WDHD1: variants seen among roughly 807,000 people sequenced by gnomAD.
The protein encoded by WDHD1 is WD repeat and HMG-box DNA-binding protein 1.
WDHD1 carries 111 observed loss-of-function variants against 135.4 expected under a neutral mutation model. That is an observed-to-expected ratio of 0.82 (90% CI 0.70 to 0.96). WDHD1 has a LOEUF of 0.96. Among genes scored for constraint, WDHD1 ranks in the 40% least tolerant of loss-of-function variants. WDHD1 has a pLI of 0.00. For synonymous variants in WDHD1, 434 were observed against 439.0 expected, an observed-to-expected ratio of 0.99 and a Z score of 0.14; for missense variants, 1,351 against 1,336.3, an observed-to-expected ratio of 1.01 and a Z score of -0.17.
rs140023951 is a variant in WDHD1, at chr14:55,003,587, C to CTATATATATA, written c.601-1412_601-1403dup. Reference sequence around the variant, plus strand: ...TGTATAAAAAAGAAAGAAAAACGAACTATATATATATAGTTGCCCAGGCTG... The same window carrying CTATATATATA: ...TGTATAAAAAAGAAAGAAAAACGAACTATATATATATATATATATATAGTTGCCCAGGCTG... On this transcript the variant is annotated intron_variant, in intron 7 of 25. Transcript: ENST00000360586. Among the ~76,000 whole-genome samples the CTATATATATA allele has an allele frequency of 6.7e-3, 957 of 143,706 alleles. 74 individuals carry two copies. The highest frequency in any genetic ancestry group is 0.023 in the African/African-American group (773 of 34,322). The allele number at this position is 143,706 out of a possible 152,430, so 94.3% of individuals were successfully genotyped here. A position where few individuals can be genotyped will look rare whatever the true frequency, so the allele number is the denominator to read the frequency against.
At chr14:54,992,813 C>A (rs2041813319) in intron 11 of WDHD1, among the ~76,000 whole-genome samples, 1 of 152,030 alleles carries the variant, frequency 6.6e-6, no homozygotes, top group Non-Finnish European at 1.5e-5. Flanking sequence ...ACCCGGAAGG[C>A]TGAGTGGGAG....
At chr14:55,023,542 G>A (rs1044780657) in intron 2 of WDHD1, among the ~76,000 whole-genome samples, 4 of 152,168 alleles carry the variant, frequency 2.6e-5, no homozygotes, top group African/African-American at 9.7e-5. Flanking sequence ...TTAGGAGTAT[G>A]TCCAGCATCA....
chr14:54,998,333 T>C, intron 10 of WDHD1, among the ~76,000 whole-genome samples: 1 of 152,124 alleles, frequency 6.6e-6, no homozygotes, highest in Non-Finnish European at 1.5e-5. Flanking sequence ...TTTCGTCATG[T>C]TGGCCAGGCT....
chr14:54,954,559 C>T (rs1235996761), intron 24 of WDHD1, among the ~76,000 whole-genome samples: 3 of 152,138 alleles, frequency 2.0e-5, no homozygotes, highest in African/African-American at 7.2e-5. Context: ...ACTGTCTGTA[C>T]TAGCAAAAGA....
At chr14:55,016,348 TTTC>T (rs779311719) in intron 2 of WDHD1, among the ~76,000 whole-genome samples, 12 of 152,208 alleles carry the variant, frequency 7.9e-5, no homozygotes, top group Admixed American at 2.6e-4. Flanking sequence ...AAATACTAAA[TTTC>T]TTCTTCTCAG....
chr14:54,992,119 A>G (rs1029843042), intron 11 of WDHD1, among the ~76,000 whole-genome samples: 7 of 152,188 alleles, frequency 4.6e-5, no homozygotes, highest in Non-Finnish European at 1.0e-4. Flanking sequence ...TTAGCCAGGC[A>G]TGGTGGCACA....
intron 18 of WDHD1, among the ~76,000 whole-genome samples, chr14:54,965,380 C>T (rs1237763414): frequency 6.6e-6 from 1 of 152,220 alleles, no homozygotes; most frequent in Non-Finnish European, 1.5e-5. Context: ...AACCTGGCCA[C>T]TGGTCACAAA....
intron 16 of WDHD1, among the ~76,000 whole-genome samples, chr14:54,968,066 G>A (rs984786288): frequency 6.6e-6 from 1 of 152,146 alleles, no homozygotes; most frequent in African/African-American, 2.4e-5. Context: ...GATAAATGCT[G>A]ATGAAGCTGC....
At position 54,966,458 on chromosome 14, in the gene WDHD1, A is replaced by G. The variant is rs752061940; in HGVS notation, c.2310+17T>C. The G allele has an allele frequency of 6.3e-7, 1 of 1,588,278 alleles. No homozygotes were observed. Among genetic ancestry groups the G allele is most frequent in the Non-Finnish European group, 8.5e-7 (1 of 1,173,678 alleles). On this transcript the variant is annotated intron_variant, in intron 18 of 25. Coordinates refer to ENST00000360586, the MANE Select transcript of WDHD1 (RefSeq NM_007086.4). ...AGCATTTAACTTTAACGTTTTCAGT[A>G]TATTTATTTTACTCACCGCAAGCAT...
At chr14:54,948,201 G>T (rs1182848156) in intron 24 of WDHD1, among the ~76,000 whole-genome samples, 1 of 152,096 alleles carries the variant, frequency 6.6e-6, no homozygotes, top group Non-Finnish European at 1.5e-5. Flanking sequence ...TCGGACAGTG[G>T]GCGCAGAACA....
In WDHD1 at chr14:54,984,920, T is replaced by A. The variant is rs2041673663; in HGVS notation, c.1769-60A>T. 90 of 1,575,478 alleles carry A rather than the reference T, an allele frequency of 5.7e-5. 1 individual carries two copies. The South Asian group carries it at 1.1e-3, about 19-fold the overall frequency. On this transcript the variant is annotated intron_variant, in intron 14 of 25. Transcript: ENST00000360586. The stretch of plus-strand genomic sequence containing the variant: ...AAGGTTATCCAACTATAACGCAGTC[T>A]AAATTATTTTCTGTGAATTGATTTT...
chr14:54,956,118 T>C (rs1055825664), intron 23 of WDHD1, among the ~76,000 whole-genome samples: 4 of 152,056 alleles, frequency 2.6e-5, no homozygotes, highest in African/African-American at 9.7e-5. Flanking sequence ...AGATAAGCAA[T>C]AGATCTATTT....
chr14:54,949,204 G>A (rs550140614), intron 24 of WDHD1, among the ~76,000 whole-genome samples: 14 of 152,282 alleles, frequency 9.2e-5, no homozygotes, highest in East Asian at 1.9e-4. Context: ...AAACCTCTCC[G>A]AGCTAAAGGA....
chr14:54,995,534 AAT>A, intron 11 of WDHD1, 67 bp downstream of exon 11: 1 of 1,211,270 alleles, frequency 8.3e-7, no homozygotes, highest in Non-Finnish European at 1.1e-6. Context: ...TAATGACTTT[AAT>A]AGTGTTAATA....
intron 24 of WDHD1, among the ~76,000 whole-genome samples, chr14:54,949,559 C>T (rs1034466093): frequency 1.3e-5 from 2 of 151,398 alleles, no homozygotes; most frequent in East Asian, 3.8e-4. Flanking sequence ...GAGAATGGAA[C>T]CAAGTTGGAA....
chr14:54,974,091 T>A (rs1374736656), intron 16 of WDHD1, among the ~76,000 whole-genome samples: 38 of 141,214 alleles, frequency 2.7e-4, no homozygotes, highest in Non-Finnish European at 3.0e-4. Flanking sequence ...AAGAGGAATT[T>A]AAAAAAAAAA....
At chr14:55,017,974 C>A (rs950334835) in intron 2 of WDHD1, among the ~76,000 whole-genome samples, 5 of 151,722 alleles carry the variant, frequency 3.3e-5, no homozygotes, top group Non-Finnish European at 5.9e-5. Flanking sequence ...AACTACTAGA[C>A]CTCCTGGCCT....
chr14:54,956,951 T>A (rs1322619683), intron 23 of WDHD1, 83 bp downstream of exon 23: 3 of 1,495,888 alleles, frequency 2.0e-6, no homozygotes, highest in Non-Finnish European at 9.0e-7. Context: ...GAACCTCCTA[T>A]CCTATATCTG....
chr14:55,003,631 T>C (rs1371845931), intron 7 of WDHD1, among the ~76,000 whole-genome samples: 1 of 147,012 alleles, frequency 6.8e-6, no homozygotes, highest in Non-Finnish European at 1.5e-5. Context: ...TAGTGCCATC[T>C]TGGCTCACTG....
Sources: allele counts gnomAD v4.1 joint callset (sites outside exome capture counted in the v4.1 genomes callset), GRCh38; gene constraint gnomAD v4.1.1; transcripts MANE v1.5; gene names NCBI Gene and HGNC (gene_info 2026-07-23, HGNC 2026-07-21).